MACROD2: variants seen among roughly 807,000 people sequenced by gnomAD.
MACROD2 encodes ADP-ribose glycohydrolase MACROD2.
Under a neutral mutation model 70.4 loss-of-function variants are expected in MACROD2, and 36 were observed. That is an observed-to-expected ratio of 0.51 (90% confidence interval 0.39 to 0.68). MACROD2 has a LOEUF of 0.68. Ranked by LOEUF, MACROD2 falls within the 30% of genes least tolerant of loss-of-function variation. The pLI is 0.00. For synonymous variants in MACROD2, 172 were observed against 178.8 expected, an observed-to-expected ratio of 0.96 and a Z score of 0.30; for missense variants, 496 against 538.4, an observed-to-expected ratio of 0.92 and a Z score of 0.78.
intron 8 of MACROD2, among the ~76,000 whole-genome samples, chr20:15,580,320 G>C (rs1450320688): frequency 2.0e-5 from 3 of 152,032 alleles, no homozygotes; most frequent in Non-Finnish European, 4.4e-5. Context: ...CCTGGTGTCC[G>C]GGATCCTATC....
intron 5 of MACROD2, among the ~76,000 whole-genome samples, chr20:15,131,986 ATAAT>A (rs1381151182): frequency 1.3e-5 from 2 of 152,036 alleles, no homozygotes; most frequent in African/African-American, 2.4e-5. Context: ...TATACAAGAA[ATAAT>A]TCTAAAGATG....
At chr20:15,013,543 G>C (rs1028257767) in intron 5 of MACROD2, among the ~76,000 whole-genome samples, 2 of 152,024 alleles carry the variant, frequency 1.3e-5, no homozygotes, top group Non-Finnish European at 2.9e-5. Flanking sequence ...CCACCTTTTT[G>C]GCATAATCCA....
chr20:14,257,281 A>AT (rs886567112), intron 3 of MACROD2, among the ~76,000 whole-genome samples: 4 of 125,218 alleles, frequency 3.2e-5, no homozygotes, highest in East Asian at 5.7e-4. Flanking sequence ...GAATAATAAT[A>AT]TTAGATATCA....
chr20:15,533,567 CTCTCTCTCTCTCTCTT>C (rs989927038), intron 8 of MACROD2, among the ~76,000 whole-genome samples: 8 of 151,594 alleles, frequency 5.3e-5, no homozygotes, highest in African/African-American at 1.9e-4. Flanking sequence ...CTCTCTCTCT[CTCTCTCTCTCTCTCTT>C]TTTAAGAAGA....
At chr20:14,018,400 T>C (rs2053022958) in intron 2 of MACROD2, among the ~76,000 whole-genome samples, 1 of 152,188 alleles carries the variant, frequency 6.6e-6, no homozygotes, top group African/African-American at 2.4e-5. Context: ...AATGTATGCA[T>C]TTATAGCTCT....
intron 4 of MACROD2, among the ~76,000 whole-genome samples, chr20:14,603,514 G>C (rs542077134): frequency 2.0e-5 from 3 of 152,212 alleles, no homozygotes; most frequent in Admixed American, 2.0e-4. Flanking sequence ...CTAATACTTG[G>C]AATTTCATTT....
At chr20:14,212,393 A>G (rs955761930) in intron 3 of MACROD2, among the ~76,000 whole-genome samples, 1 of 152,300 alleles carries the variant, frequency 6.6e-6, no homozygotes, top group East Asian at 1.9e-4. Context: ...GCAAGATTAG[A>G]CCTTAATTCC....
chr20:15,768,708 T>C (rs999068573), intron 8 of MACROD2, among the ~76,000 whole-genome samples: 1 of 152,264 alleles, frequency 6.6e-6, no homozygotes, highest in African/African-American at 2.4e-5. Flanking sequence ...TTTGTAATCA[T>C]ACAATTTAAA....
chr20:16,009,557 G>C lies in MACROD2; in HGVS notation c.1153+22399G>C, dbSNP rs746430910. Among the ~76,000 whole-genome samples the C allele has an allele frequency of 2.0e-5, 3 of 152,240 alleles. No individual in the cohort carries two copies. The South Asian group carries it at 6.2e-4, about 32-fold the overall frequency. On this transcript the variant is annotated intron_variant, in intron 15 of 17. Coordinates refer to ENST00000684519, the MANE Select transcript of MACROD2 (RefSeq NM_001351661.2). ...AGATCACCTGAGGTCAGGAGTTCGA[G>C]ACCAACATGGCCAACATGTTGAAAC...
chr20:14,953,707 C>T (rs996878536), intron 5 of MACROD2, among the ~76,000 whole-genome samples: 7 of 152,144 alleles, frequency 4.6e-5, no homozygotes, highest in African/African-American at 1.2e-4. Flanking sequence ...AAATAGCTAG[C>T]GAGTCTTGAA....
At chr20:14,179,821 G>C (rs1003162718) in intron 3 of MACROD2, among the ~76,000 whole-genome samples, 3 of 152,160 alleles carry the variant, frequency 2.0e-5, no homozygotes, top group African/African-American at 7.2e-5. Context: ...TCAAAGGTCT[G>C]AGAGTATGTC....
At chr20:14,138,909 A>C (rs895470580) in intron 3 of MACROD2, among the ~76,000 whole-genome samples, 5 of 152,042 alleles carry the variant, frequency 3.3e-5, no homozygotes, top group Admixed American at 6.6e-5. Context: ...AATATGTATA[A>C]TTTTTATTTG....
rs537727421 is a variant in MACROD2 at position 15,618,296 on chromosome 20, G to T, written c.645+118449G>T. On this transcript the variant is annotated intron_variant, in intron 8 of 17. Coordinates refer to ENST00000684519, the MANE Select transcript of MACROD2 (RefSeq NM_001351661.2). Reference sequence around the variant, plus strand: ...CTCAGCTAACTGCAGAACCAGAGGAGCTGTTTGCATCTGTCTATGCAGATT... The same window carrying T: ...CTCAGCTAACTGCAGAACCAGAGGATCTGTTTGCATCTGTCTATGCAGATT... 3.3e-5 allele frequency among the ~76,000 whole-genome samples: 5 copies of T among 152,130 alleles called. No individual in the cohort carries two copies. In the East Asian group the frequency reaches 9.7e-4, roughly 29 times the overall value.
intron 5 of MACROD2, among the ~76,000 whole-genome samples, chr20:14,859,660 GA>G (rs1023533125): frequency 3.9e-5 from 6 of 152,146 alleles, no homozygotes; most frequent in African/African-American, 1.4e-4. Context: ...CTGCTATTGA[GA>G]TTTTTTTTCA....
chr20:14,118,768 G>C (rs75982615), intron 3 of MACROD2, among the ~76,000 whole-genome samples: 4,029 of 150,120 alleles, frequency 0.027, 53 homozygotes, highest in Non-Finnish European at 0.032. Flanking sequence ...GAAGGGATTA[G>C]TTTTCATATT....
intron 6 of MACROD2, among the ~76,000 whole-genome samples, chr20:15,347,195 T>G (rs998457755): frequency 6.6e-6 from 1 of 152,234 alleles, no homozygotes; most frequent in African/African-American, 2.4e-5. Context: ...GAGTTCTTTT[T>G]CTCAATCTAC....
At chr20:14,696,419 T>A (rs1445125638) in intron 5 of MACROD2, among the ~76,000 whole-genome samples, 1 of 152,228 alleles carries the variant, frequency 6.6e-6, no homozygotes, top group East Asian at 1.9e-4. Context: ...CCTCTGTTAA[T>A]GCTGTGAGCT....
At chr20:14,794,904 T>C (rs972374781) in intron 5 of MACROD2, among the ~76,000 whole-genome samples, 4 of 152,100 alleles carry the variant, frequency 2.6e-5, no homozygotes, top group Non-Finnish European at 4.4e-5. Flanking sequence ...TTGGGGAGTG[T>C]GTTTGTATAA....
chr20:15,628,789 G>A (rs2049245279), intron 8 of MACROD2, among the ~76,000 whole-genome samples: 1 of 152,226 alleles, frequency 6.6e-6, no homozygotes. Flanking sequence ...CCAGAGCCCT[G>A]CATGTGGCAT....
Sources: gnomAD v4.1 joint callset for allele counts (sites outside exome capture counted in the v4.1 genomes callset) on GRCh38, gnomAD v4.1.1 for gene constraint, MANE v1.5 for transcripts, NCBI Gene and HGNC (gene_info 2026-07-23, HGNC 2026-07-21) for gene names.